DNM3: variants seen among roughly 807,000 people sequenced by gnomAD.
DNM3 encodes dynamin-3.
In DNM3, 47 loss-of-function variants were observed where a neutral mutation model predicts 101.6. That is an observed-to-expected ratio of 0.46 (90% CI 0.37 to 0.59). The LOEUF (loss-of-function observed/expected upper bound fraction) is 0.59, where lower values mean the gene tolerates loss of function less well. DNM3 is among the 20% of genes least tolerant of loss of function. The pLI is 0.00. For synonymous variants in DNM3, 385 were observed against 387.9 expected (o/e 0.99, Z 0.09); for missense variants, 849 against 1,085.7 (o/e 0.78, Z 3.06).
rs139245962 is a variant in DNM3, at chr1:172,251,219, T to A, written c.1660-2354T>A. Among the ~76,000 whole-genome samples the A allele has an allele frequency of 1.4e-3, 215 of 152,234 alleles. 2 individuals are homozygous for A. The South Asian group carries it at 0.023, about 16-fold the overall frequency. On this transcript the variant is annotated intron_variant, in intron 14 of 20. Transcript: ENST00000627582. ...CTTGATTAAGATGATGCTAAGACTGTATTTTGGAAATTATAATTCTGTATA... is the reference window on the plus strand; with the variant it reads ...CTTGATTAAGATGATGCTAAGACTGAATTTTGGAAATTATAATTCTGTATA...
rs148527816 is a variant in DNM3 at position 171,973,036 on chromosome 1, T to TC, written c.236-14619dup. On this transcript the variant is annotated intron_variant, in intron 2 of 20. Coordinates refer to ENST00000627582, the MANE Select transcript of DNM3 (RefSeq NM_015569.5). ...GGCTTTTCTCAGATGCTTAAAGTAGTCATAACCCCAGAAACAAGAACCGCA... is the reference window on the plus strand; with the variant it reads ...GGCTTTTCTCAGATGCTTAAAGTAGTCCATAACCCCAGAAACAAGAACCGCA... Among the ~76,000 whole-genome samples, 1,357 of 152,202 alleles carry TC rather than the reference T, an allele frequency of 8.9e-3. 27 individuals carry two copies. The highest frequency in any genetic ancestry group is 0.031 in the African/African-American group (1,286 of 41,496).
At chr1:172,354,602 T>C (rs79798629) in intron 17 of DNM3, among the ~76,000 whole-genome samples, 1 of 152,190 alleles carries the variant, frequency 6.6e-6, no homozygotes, top group Non-Finnish European at 1.5e-5. Flanking sequence ...TGGTTTTTTT[T>C]AGACTGGCTA....
At chr1:171,917,860 T>C (rs911133112) in intron 1 of DNM3, among the ~76,000 whole-genome samples, 1 of 152,258 alleles carries the variant, frequency 6.6e-6, no homozygotes, top group African/African-American at 2.4e-5. Flanking sequence ...AAAAAATGTT[T>C]TCCCATAAAA....
At chr1:171,904,953 C>G (rs1486916948) in intron 1 of DNM3, among the ~76,000 whole-genome samples, 2 of 152,108 alleles carry the variant, frequency 1.3e-5, no homozygotes, top group African/African-American at 2.4e-5. Flanking sequence ...CAGGCCTTGC[C>G]TAATTTTCCT....
At chr1:172,215,792 G>T (rs74124004) in intron 14 of DNM3, among the ~76,000 whole-genome samples, 1 of 151,730 alleles carries the variant, frequency 6.6e-6, no homozygotes, top group Non-Finnish European at 1.5e-5. Context: ...TAATTGATGC[G>T]TCAGAAACCT....
chr1:172,296,371 C>T (rs577533073), intron 15 of DNM3, among the ~76,000 whole-genome samples: 1 of 152,322 alleles, frequency 6.6e-6, no homozygotes, highest in East Asian at 1.9e-4. Flanking sequence ...GCTCAAAGGC[C>T]AAATGGTCTG....
intron 1 of DNM3, among the ~76,000 whole-genome samples, chr1:171,865,353 A>G (rs2034615916): frequency 6.6e-6 from 1 of 151,518 alleles, no homozygotes; most frequent in Admixed American, 6.6e-5. Flanking sequence ...TCATCTCTAC[A>G]AAAAAATACA....
chr1:172,233,297 G>T (rs956056186), intron 14 of DNM3, among the ~76,000 whole-genome samples: 2 of 152,124 alleles, frequency 1.3e-5, no homozygotes, highest in African/African-American at 4.8e-5. Context: ...TAGAAGAAAT[G>T]GATAAATTCC....
chr1:172,061,709 G>T (rs866984776), intron 10 of DNM3, among the ~76,000 whole-genome samples: 1 of 104,508 alleles, frequency 9.6e-6, no homozygotes, highest in Non-Finnish European at 1.8e-5. Context: ...GGGGTGGGGG[G>T]AGGGGGGAGG....
intron 1 of DNM3, among the ~76,000 whole-genome samples, chr1:171,901,522 A>G (rs969349633): frequency 2.0e-5 from 3 of 152,186 alleles, no homozygotes; most frequent in Non-Finnish European, 4.4e-5. Context: ...GAGGGCAGGC[A>G]CACTGATGCC....
Position 172,038,519 on chromosome 1 carries a change from A to G in DNM3, c.992+58A>G, listed in dbSNP as rs139870002. 8.2e-6 allele frequency: 13 copies of G among 1,594,700 alleles called. No homozygotes were observed. In the East Asian group the frequency reaches 2.5e-4, roughly 30 times the overall value. On this transcript the variant is annotated intron_variant, in intron 7 of 20. Coordinates refer to ENST00000627582, the MANE Select transcript of DNM3 (RefSeq NM_015569.5). Reference sequence around the variant, plus strand: ...TTTAATCTAATTTCTTTAGTTTTCTATTGCCTTAGTCTATTTGTCACGTTG... The same window carrying G: ...TTTAATCTAATTTCTTTAGTTTTCTGTTGCCTTAGTCTATTTGTCACGTTG...
chr1:171,974,584 G>A (rs766409525), intron 2 of DNM3, among the ~76,000 whole-genome samples: 21 of 152,072 alleles, frequency 1.4e-4, no homozygotes, highest in African/African-American at 4.1e-4. Flanking sequence ...TTTTGGATCC[G>A]AACTTTAGTT....
chr1:172,213,517 C>CAAAAAAAA (rs57339395), intron 14 of DNM3, among the ~76,000 whole-genome samples: 3 of 79,374 alleles, frequency 3.8e-5, no homozygotes, highest in African/African-American at 9.1e-5. Flanking sequence ...TCCATTGTTA[C>CAAAAAAAA]AAAAAAAAAA....
intron 14 of DNM3, among the ~76,000 whole-genome samples, chr1:172,191,806 G>C (rs1201027521): frequency 6.6e-6 from 1 of 152,124 alleles, no homozygotes; most frequent in Non-Finnish European, 1.5e-5. Context: ...CTCATGATTT[G>C]GCTTTCTGTT....
intron 14 of DNM3, among the ~76,000 whole-genome samples, chr1:172,145,828 T>C (rs1054482093): frequency 2.6e-5 from 4 of 152,230 alleles, no homozygotes; most frequent in Non-Finnish European, 4.4e-5. Flanking sequence ...CTTAGTTTTA[T>C]CTCTGGTTAA....
chr1:172,125,559 A>G (rs1179808691), intron 13 of DNM3, among the ~76,000 whole-genome samples: 2 of 152,052 alleles, frequency 1.3e-5, no homozygotes, highest in African/African-American at 4.8e-5. Flanking sequence ...CACTCTTCCC[A>G]TTGCTGGTCT....
chr1:171,924,435 G>T (rs1193783335), intron 2 of DNM3, among the ~76,000 whole-genome samples: 2 of 152,168 alleles, frequency 1.3e-5, no homozygotes, highest in African/African-American at 2.4e-5. Flanking sequence ...AAAGAAAGAG[G>T]TTTCATTGAC....
At chr1:171,850,323 C>T (rs975699260) in intron 1 of DNM3, among the ~76,000 whole-genome samples, 30 of 152,222 alleles carry the variant, frequency 2.0e-4, no homozygotes, top group African/African-American at 6.7e-4. Context: ...CTGAGCTAGT[C>T]AGCTGGTTCT....
At chr1:172,230,477 G>A (rs1005704674) in intron 14 of DNM3, among the ~76,000 whole-genome samples, 5 of 152,108 alleles carry the variant, frequency 3.3e-5, no homozygotes, top group Admixed American at 1.3e-4. Flanking sequence ...GTGCTCTATT[G>A]ATTTCAGGAA....
Sources: allele counts gnomAD v4.1 joint callset (sites outside exome capture counted in the v4.1 genomes callset), GRCh38; gene constraint gnomAD v4.1.1; transcripts MANE v1.5; gene names NCBI Gene and HGNC (gene_info 2026-07-23, HGNC 2026-07-21).